The following RHBDD3 variants were observed in gnomAD, a reference collection of about 807,000 sequenced individuals.
RHBDD3 encodes the protein rhomboid domain-containing protein 3.
Under a neutral mutation model 32.3 loss-of-function variants are expected in RHBDD3, and 34 were observed. That is an observed-to-expected ratio of 1.05 (90% confidence interval 0.80 to 1.40). The LOEUF is 1.40. Among genes scored for constraint, RHBDD3 ranks in the 40% most tolerant of loss-of-function variants. The probability of loss-of-function intolerance (pLI) is 0.00; values close to 1 mark genes in which losing one functional copy is unlikely to be tolerated. For synonymous variants in RHBDD3, 249 were observed against 239.1 expected, an observed-to-expected ratio of 1.04 and a Z score of -0.38; for missense variants, 482 against 492.6, an observed-to-expected ratio of 0.98 and a Z score of 0.20.
intron 4 of RHBDD3, among the ~76,000 whole-genome samples, chr22:29,262,434 T>C (rs2058130836): frequency 6.6e-6 from 1 of 152,206 alleles, no homozygotes; most frequent in African/African-American, 2.4e-5. Context: ...CCACCGCACC[T>C]GGCCACTTTT....
rs376287352 is a variant in RHBDD3, at chr22:29,260,441, C to T, written c.868G>A (p.Ala290Thr). Residue 290 changes from alanine to threonine, a missense_variant, in exon 6 of 7, where the codon GCG becomes ACG. Physicochemically the swap from Ala to Thr is moderately conservative, Grantham distance 58 (BLOSUM62 0). Transcript: ENST00000216085. ...TGCAGCATCTGCTCATCCAAGGCCG[C>T]CCACATCGGAGTCCCTGGGGAGAAG... ...ASFSPGTPMW[A>T]ALDEQMLQEG... is the part of the protein sequence containing the mutation. The T allele has an allele frequency of 9.9e-6, 16 of 1,611,050 alleles. No individual in the cohort carries two copies. In the African/African-American group the frequency reaches 2.1e-4, roughly 22 times the overall value.
intron 2 of RHBDD3, among the ~76,000 whole-genome samples, chr22:29,267,045 A>G (rs1000218198): frequency 2.0e-5 from 3 of 152,082 alleles, no homozygotes; most frequent in African/African-American, 7.2e-5. Flanking sequence ...CCAACCCCAC[A>G]TTCCCCAGGG....
chr22:29,260,757 G>A lies in RHBDD3; in HGVS notation c.640C>T (p.Leu214Phe), dbSNP rs1191630679. The A allele has an allele frequency of 3.1e-6, 5 of 1,600,952 alleles. No individual in the cohort carries two copies. Among genetic ancestry groups the A allele is most frequent in the Admixed American group, 3.4e-5 (2 of 58,028 alleles). Residue 214 changes from leucine (L) to phenylalanine (F), a missense_variant, in exon 5 of 7, where the codon CTT becomes TTT. Transcript: ENST00000216085. ...TCCGCCAGGCTACCCGGGGTGGCAAGGAGCCTCAGGGGCCAGCACCCCGCC... is the reference window on the plus strand; with the variant it reads ...TCCGCCAGGCTACCCGGGGTGGCAAAGAGCCTCAGGGGCCAGCACCCCGCC... ...TLAGCWPLRL[L>F]ATPGSLAELP...
intron 4 of RHBDD3, 60 bp from the exon 5 acceptor site, chr22:29,260,924 C>T: frequency 6.8e-7 from 1 of 1,460,402 alleles, no homozygotes; most frequent in East Asian, 2.4e-5. Context: ...GGGGTGGGCC[C>T]ACGCCACAGG....
intron 4 of RHBDD3, among the ~76,000 whole-genome samples, chr22:29,261,601 TA>T (rs556500554): frequency 6.7e-6 from 1 of 150,136 alleles, no homozygotes; most frequent in African/African-American, 2.4e-5. Context: ...CTCTAAAAAT[TA>T]AAAAAAAAAT....
intron 1 of RHBDD3, 41 bp downstream of exon 1, chr22:29,267,707 C>A (rs1047759750): frequency 2.4e-5 from 4 of 163,368 alleles, no homozygotes; most frequent in African/African-American, 9.6e-5. Context: ...GCCTTGGGGA[C>A]CCTTCCCCGC....
At chr22:29,261,652 C>CT (rs1270467057) in intron 4 of RHBDD3, among the ~76,000 whole-genome samples, 2 of 152,002 alleles carry the variant, frequency 1.3e-5, no homozygotes, top group African/African-American at 4.8e-5. Flanking sequence ...TCTAGCACGA[C>CT]TTATTTATTT....
Position 29,260,460 on chromosome 22 carries a change from G to A in RHBDD3, c.849C>T (p.Ser283=), listed in dbSNP as rs780888221. The A allele has an allele frequency of 3.1e-6, 5 of 1,610,180 alleles. No individual in the cohort carries two copies. Among genetic ancestry groups the A allele is most frequent in the Non-Finnish European group, 2.5e-6 (3 of 1,179,218 alleles). Residue 283 remains serine, a synonymous_variant, in exon 6 of 7, where the codon TCC becomes TCT. Coordinates refer to ENST00000216085, the MANE Select transcript of RHBDD3 (RefSeq NM_012265.3). ...AGGCCGCCCACATCGGAGTCCCTGG[G>A]GAGAAGCTGGCCCCAGCCCAGTCCA... is the stretch of plus-strand genomic sequence containing the variant. ...AGLDWAGASF[S]PGTPMWAALD...
In RHBDD3 at chr22:29,260,372, G is replaced by C; in HGVS notation, c.937C>G (p.Pro313Ala). The change falls in exon 6 of 7, where the codon CCC (proline) becomes GCC (alanine). Residue 313 changes from proline to alanine, a missense_variant. By Grantham distance (27) the Pro-to-Ala change is conservative. Transcript: ENST00000216085. The part of the protein sequence containing the change: ...ASLLDGPAQE[P>A]QSAPWLSKSS... ...TTGGACAGCCATGGTGCGCTCTGGG[G>C]TTCCTGGGCTGGCCCGTCAAGAAGC... 1 of 1,612,502 alleles carries C rather than the reference G, an allele frequency of 6.2e-7. No homozygotes were observed. Among genetic ancestry groups the C allele is most frequent in the Non-Finnish European group, 8.5e-7 (1 of 1,179,682 alleles).
At position 29,260,705 on chromosome 22, in the gene RHBDD3, A is replaced by G; in HGVS notation, c.692T>C (p.Val231Ala). The G allele has an allele frequency of 6.3e-7, 1 of 1,576,790 alleles. No individual in the cohort carries two copies. The highest frequency in any genetic ancestry group is 8.6e-7 in the Non-Finnish European group (1 of 1,162,122). Residue 231 changes from valine to alanine, a missense_variant, in exon 5 of 7, where the codon GTG (valine) becomes GCG (alanine). By Grantham distance (64) the Val-to-Ala change is moderately conservative (BLOSUM62 0). Coordinates refer to ENST00000216085, the MANE Select transcript of RHBDD3 (RefSeq NM_012265.3). Reference protein sequence around the residue: ...AELPVTHPAGVRPPIPGPPYV... With the variant: ...AELPVTHPAGARPPIPGPPYV... ...GCATCCCCCCCATCACCCTCACCTC[A>G]CTCCGGCAGGATGGGTGACAGGCAG... is the stretch of plus-strand genomic sequence containing the variant.
At chr22:29,261,286 T>G in intron 4 of RHBDD3, 1 of 479,632 alleles carries the variant, frequency 2.1e-6, no homozygotes. Flanking sequence ...TGGCACTGTT[T>G]TCCCCGATAG....
rs767206215 is a variant in RHBDD3, at chr22:29,263,924, G to A, written c.443C>T (p.Ser148Leu). ...GGTCAGGGCAAGCAGCAGCCACGGCGACAGCCACGGTGGCAGTGCCCCACG... is the reference window on the plus strand; with the variant it reads ...GGTCAGGGCAAGCAGCAGCCACGGCAACAGCCACGGTGGCAGTGCCCCACG... ...RPRGALPPWLSPWLLLALTPL... is the reference protein window; with the variant it reads ...RPRGALPPWLLPWLLLALTPL... Residue 148 changes from serine to leucine, a missense_variant, in exon 4 of 7, where the codon TCG becomes TTG. Physicochemically the swap from Ser to Leu is moderately radical, Grantham distance 145 (BLOSUM62 -2). Coordinates refer to ENST00000216085, the MANE Select transcript of RHBDD3 (RefSeq NM_012265.3). 222 of 1,549,700 alleles carry A rather than the reference G, an allele frequency of 1.4e-4. 3 individuals are homozygous for A. In the South Asian group the frequency reaches 2.4e-3, roughly 17 times the overall value.
At chr22:29,260,259 G>T in intron 6 of RHBDD3, 22 bp from the exon 7 acceptor site, 1 of 1,603,562 alleles carries the variant, frequency 6.2e-7, no homozygotes, top group East Asian at 2.2e-5. Flanking sequence ...GGGGGGAGAA[G>T]TGGGGAGTGT....
intron 4 of RHBDD3, among the ~76,000 whole-genome samples, chr22:29,263,023 CT>C (rs1344823817): frequency 6.7e-6 from 1 of 149,504 alleles, no homozygotes; most frequent in Non-Finnish European, 1.5e-5. Context: ...CTATAGGCGC[CT>C]GCCACCACGC....
chr22:29,267,251 G>C (rs2058228359), intron 2 of RHBDD3, 175 bp downstream of exon 2: 2 of 152,316 alleles, frequency 1.3e-5, no homozygotes, highest in Admixed American at 1.3e-4. Flanking sequence ...TGGGGCCAAG[G>C]CACCCACCGT....
At chr22:29,266,342 TTTTTACAGATGAGCCTCA>T (rs1414891231) in intron 2 of RHBDD3, among the ~76,000 whole-genome samples, 4 of 152,318 alleles carry the variant, frequency 2.6e-5, no homozygotes, top group South Asian at 2.1e-4. Flanking sequence ...CAACCTCATC[TTTTTACAGATGAGCCTCA>T]TTTTACAGAT....
At position 29,265,352 on chromosome 22, in the gene RHBDD3, G is replaced by A. The variant is rs2301290; in HGVS notation, c.148+127C>T. 130,292 of 727,398 alleles carry A rather than the reference G, an allele frequency of 0.18. 13,661 individuals are homozygous for A. Among genetic ancestry groups the A allele is most frequent in the South Asian group, 0.35 (14,076 of 39,714 alleles). The allele number at this position is 727,398 out of a possible 1,614,324, so 45.1% of individuals were successfully genotyped here. A position where few individuals can be genotyped will look rare whatever the true frequency, so the allele number is the denominator to read the frequency against. On this transcript the variant is annotated intron_variant, in intron 3 of 6. Coordinates refer to ENST00000216085, the MANE Select transcript of RHBDD3 (RefSeq NM_012265.3). ...TGGGCATGCTCCTGTCTAAGGCCAT[G>A]CTTTCCCGGGACACTGGGCCCCATC...
rs758922937 is a variant in RHBDD3, at chr22:29,260,871, G to GC, written c.533-8dup. 6.4e-7 allele frequency: 1 copy of GC among 1,567,026 alleles called. No homozygotes were observed. Reference sequence around the variant, plus strand: ...CGGAAGGCCCCAGCTGCATCTGTCTGCCCGGGGCAGGGCGGCCGGTCAAGG... The same window carrying GC: ...CGGAAGGCCCCAGCTGCATCTGTCTGCCCCGGGGCAGGGCGGCCGGTCAAGG... On this transcript the variant is annotated splice_polypyrimidine_tract_variant and splice_region_variant and intron_variant, in intron 4 of 6. Transcript: ENST00000216085.
intron 2 of RHBDD3, among the ~76,000 whole-genome samples, chr22:29,266,791 C>T (rs1313530250): frequency 6.6e-6 from 1 of 152,216 alleles, no homozygotes; most frequent in Admixed American, 6.5e-5. Context: ...TAATTTGCTC[C>T]CCTGCCAAGC....
Sources: allele counts gnomAD v4.1 joint callset (sites outside exome capture counted in the v4.1 genomes callset), GRCh38; gene constraint gnomAD v4.1.1; transcripts MANE v1.5; gene names NCBI Gene and HGNC (gene_info 2026-07-23, HGNC 2026-07-21).